The following KCNH1 variants were observed in gnomAD, a reference collection of about 807,000 sequenced individuals.
The protein encoded by KCNH1 is potassium voltage-gated channel subfamily H member 1, also known as voltage-gated delayed rectifier potassium channel KCNH1.
A neutral mutation model predicts 69.2 loss-of-function variants in KCNH1; 27 were observed. That is an observed-to-expected ratio of 0.39 (90% CI 0.29 to 0.54). KCNH1 has a LOEUF of 0.54. Among genes scored for constraint, KCNH1 ranks in the 20% least tolerant of loss-of-function variants. The pLI is 0.68. For synonymous variants in KCNH1, 456 were observed against 487.7 expected (o/e 0.93, Z 0.86); for missense variants, 798 against 1,261.6 (o/e 0.63, Z 5.57).
chr1:211,079,110 A>G (rs1054833326), intron 5 of KCNH1, among the ~76,000 whole-genome samples: 7 of 152,206 alleles, frequency 4.6e-5, no homozygotes, highest in African/African-American at 1.7e-4. Flanking sequence ...TCAAATAGAC[A>G]CAATAAAAAA....
chr1:210,688,270 C>T (rs905853368), intron 10 of KCNH1, among the ~76,000 whole-genome samples: 2 of 152,162 alleles, frequency 1.3e-5, no homozygotes, highest in Non-Finnish European at 2.9e-5. Context: ...TTGTGTATAG[C>T]CCTAACAGAT....
chr1:210,836,538 C>T (rs1016328788), intron 7 of KCNH1, among the ~76,000 whole-genome samples: 21 of 152,286 alleles, frequency 1.4e-4, no homozygotes, highest in Middle Eastern at 3.4e-3. Context: ...TCCCTGTCCA[C>T]TTTCTAGCAC....
At chr1:211,022,412 T>A (rs1311697915) in intron 5 of KCNH1, among the ~76,000 whole-genome samples, 1 of 152,188 alleles carries the variant, frequency 6.6e-6, no homozygotes, top group Non-Finnish European at 1.5e-5. Context: ...GATGTTGGAC[T>A]GGGCAAAGAT....
chr1:211,096,674 G>A (rs545545970), intron 3 of KCNH1, among the ~76,000 whole-genome samples: 4 of 152,096 alleles, frequency 2.6e-5, no homozygotes, highest in East Asian at 1.9e-4. Flanking sequence ...TTTATAAGAC[G>A]TCAAACCGCT....
chr1:210,721,094 A>G (rs1335106180), intron 10 of KCNH1, among the ~76,000 whole-genome samples: 1 of 152,132 alleles, frequency 6.6e-6, no homozygotes, highest in East Asian at 1.9e-4. Context: ...AGTCCCATGT[A>G]TAACAGCCCT....
intron 5 of KCNH1, among the ~76,000 whole-genome samples, chr1:211,053,133 G>A (rs977076615): frequency 3.9e-5 from 6 of 152,226 alleles, no homozygotes; most frequent in African/African-American, 1.4e-4. Flanking sequence ...GATTAGATAG[G>A]CAGTGTAAAC....
At chr1:210,710,428 AAGAG>A (rs903105702) in intron 10 of KCNH1, among the ~76,000 whole-genome samples, 9 of 152,108 alleles carry the variant, frequency 5.9e-5, no homozygotes, top group South Asian at 2.1e-4. Context: ...GAGAGACAGA[AAGAG>A]AGAGATATAC....
chr1:210,710,936 T>C (rs1372674116), intron 10 of KCNH1, among the ~76,000 whole-genome samples: 2 of 152,214 alleles, frequency 1.3e-5, no homozygotes, highest in Admixed American at 1.3e-4. Flanking sequence ...CCCATGCCCT[T>C]TGCCCCATAA....
At chr1:210,970,791 G>A (rs1014263125) in intron 6 of KCNH1, among the ~76,000 whole-genome samples, 4 of 152,104 alleles carry the variant, frequency 2.6e-5, no homozygotes, top group African/African-American at 9.7e-5. Flanking sequence ...TGACAAATGG[G>A]ATCTAATTAA....
chr1:211,040,381 G>A (rs1428285148), intron 5 of KCNH1, among the ~76,000 whole-genome samples: 3 of 152,116 alleles, frequency 2.0e-5, no homozygotes, highest in Non-Finnish European at 4.4e-5. Context: ...AATTGTGGGA[G>A]CCATTCTTTC....
intron 7 of KCNH1, among the ~76,000 whole-genome samples, chr1:210,837,836 C>T (rs1353410762): frequency 6.6e-6 from 1 of 152,158 alleles, no homozygotes; most frequent in Non-Finnish European, 1.5e-5. Flanking sequence ...TGAACTATCA[C>T]CTTGAAAGCA....
At chr1:210,781,024 A>G (rs1401886211) in intron 9 of KCNH1, among the ~76,000 whole-genome samples, 1 of 152,088 alleles carries the variant, frequency 6.6e-6, no homozygotes, top group Non-Finnish European at 1.5e-5. Context: ...TCCAGCCTGG[A>G]TGACAGAGCG....
chr1:210,998,533 A>C (rs1419564706), intron 6 of KCNH1, among the ~76,000 whole-genome samples: 3 of 152,230 alleles, frequency 2.0e-5, no homozygotes, highest in Non-Finnish European at 2.9e-5. Flanking sequence ...AGATCTACAA[A>C]GAGACTTAGA....
intron 10 of KCNH1, among the ~76,000 whole-genome samples, chr1:210,702,579 TTAATG>T (rs1156479064): frequency 2.6e-5 from 4 of 152,230 alleles, no homozygotes; most frequent in Non-Finnish European, 4.4e-5. Flanking sequence ...CTTTATGTCT[TTAATG>T]TAAGCATTTT....
chr1:210,984,785 G>T (rs904370810), intron 6 of KCNH1, among the ~76,000 whole-genome samples: 1 of 152,182 alleles, frequency 6.6e-6, no homozygotes, highest in Non-Finnish European at 1.5e-5. Context: ...GTATGAGGAT[G>T]ATTCTGGTCT....
intron 10 of KCNH1, among the ~76,000 whole-genome samples, chr1:210,723,790 G>T (rs899801438): frequency 3.3e-5 from 5 of 152,190 alleles, no homozygotes; most frequent in African/African-American, 1.2e-4. Context: ...CACTTGAAAG[G>T]TTAACAAAGG....
intron 10 of KCNH1, among the ~76,000 whole-genome samples, chr1:210,769,820 A>G (rs1340898123): frequency 2.6e-5 from 4 of 152,198 alleles, no homozygotes; most frequent in Non-Finnish European, 1.5e-5. Flanking sequence ...AACATCGACT[A>G]AAGAAATGTC....
intron 10 of KCNH1, among the ~76,000 whole-genome samples, chr1:210,722,430 C>G (rs1185172672): frequency 6.6e-6 from 1 of 151,890 alleles, no homozygotes; most frequent in Non-Finnish European, 1.5e-5. Flanking sequence ...ATAGCAGGAG[C>G]CCACTGCATA....
At chr1:210,941,630 G>T (rs890209448) in intron 6 of KCNH1, among the ~76,000 whole-genome samples, 4 of 152,126 alleles carry the variant, frequency 2.6e-5, no homozygotes, top group African/African-American at 9.7e-5. Context: ...AAAGAGCTTG[G>T]CAAGTCACTG....
Sources: gnomAD v4.1 joint callset for allele counts (sites outside exome capture counted in the v4.1 genomes callset) on GRCh38, gnomAD v4.1.1 for gene constraint, MANE v1.5 for transcripts, NCBI Gene and HGNC (gene_info 2026-07-23, HGNC 2026-07-21) for gene names.